The following AFF4 variants were observed in gnomAD, a reference collection of about 807,000 sequenced individuals.
AFF4 encodes the protein AF4/FMR2 family member 4.
In AFF4, 13 loss-of-function variants were observed where a neutral mutation model predicts 124.8. The ratio of observed to expected loss-of-function variants is 0.10; its 90% CI spans 0.07 to 0.17. The LOEUF (loss-of-function observed/expected upper bound fraction) is 0.17, where lower values mean the gene tolerates loss of function less well. AFF4 is among the 10% of genes least tolerant of loss of function. The pLI, the probability that AFF4 is intolerant of heterozygous loss-of-function variation, is 1.00. For missense variants in AFF4, 1,092 were observed against 1,403.8 expected (o/e 0.78, Z 3.55); for synonymous variants, 477 against 496.1 (o/e 0.96, Z 0.51).
chr5:132,919,835 G>A (rs1392405560), intron 5 of AFF4, among the ~76,000 whole-genome samples: 1 of 152,080 alleles, frequency 6.6e-6, no homozygotes, highest in Non-Finnish European at 1.5e-5. Context: ...GGGTGACAGA[G>A]TGAGACTCTT....
intron 1 of AFF4, among the ~76,000 whole-genome samples, chr5:132,960,438 G>A (rs1440317769): frequency 1.3e-5 from 2 of 152,118 alleles, no homozygotes; most frequent in East Asian, 3.9e-4. Context: ...ATACCACAAA[G>A]AAAAGTCCTC....
chr5:132,896,903 T>A lies in AFF4; in HGVS notation c.1727A>T (p.Glu576Val). The change falls in exon 11 of 21, where the codon GAA (glutamate) becomes GTA (valine). Residue 576 changes from glutamate to valine, a missense_variant. By Grantham distance (121) the Glu-to-Val change is moderately radical. Coordinates refer to ENST00000265343, the MANE Select transcript of AFF4 (RefSeq NM_014423.4). Reference sequence around the variant, plus strand: ...TATCTTCAGGCCTCCACGAGGCTCTTCAGCAGCTGCCTTCTCAGCCTTTTT... The same window carrying A: ...TATCTTCAGGCCTCCACGAGGCTCTACAGCAGCTGCCTTCTCAGCCTTTTT... Reference protein sequence around the residue: ...QPKKAEKAAAEEPRGGLKIES... With the variant: ...QPKKAEKAAAVEPRGGLKIES... The A allele has an allele frequency of 6.2e-7, 1 of 1,614,198 alleles. No individual in the cohort carries two copies.
Position 132,897,535 on chromosome 5 carries a change from T to C in AFF4, c.1390-295A>G, listed in dbSNP as rs529752133. ...GACCAGTCTGACCAACATGGTGAAA[T>C]CCTGTCTCTATTAAAAATACAAAAA... On this transcript the variant is annotated intron_variant, in intron 10 of 20. Coordinates refer to ENST00000265343, the MANE Select transcript of AFF4 (RefSeq NM_014423.4). Among the ~76,000 whole-genome samples the C allele has an allele frequency of 8.7e-4, 133 of 152,028 alleles. 1 individual carries two copies. Among genetic ancestry groups the C allele is most frequent in the African/African-American group, 2.9e-3 (122 of 41,480 alleles).
Position 132,879,239 on chromosome 5 carries a change from G to A in AFF4, c.*1820C>T, listed in dbSNP as rs803220. ...GGACAATGAAAGTTCACTAACTTCAGAAATAAGTGTAAAAAAGTCTCAAAC... is the reference window on the plus strand; with the variant it reads ...GGACAATGAAAGTTCACTAACTTCAAAAATAAGTGTAAAAAAGTCTCAAAC... On this transcript the variant is annotated 3_prime_UTR_variant, in exon 21 of 21. Transcript: ENST00000265343. 0.5 allele frequency: 109,616 copies of A among 219,156 alleles called. 27,795 individuals carry two copies. Among genetic ancestry groups the A allele is most frequent in the South Asian group, 0.59 (3,201 of 5,432 alleles). 13.6% of individuals were successfully genotyped at this position (219,156 alleles called of 1,614,324 possible). A position where few individuals can be genotyped will look rare whatever the true frequency, so the allele number is the denominator to read the frequency against.
In AFF4 at chr5:132,909,125, T is replaced by G. The variant is rs1484640835; in HGVS notation, c.1051-4721A>C. The stretch of plus-strand genomic sequence containing the variant: ...TTCATTCATTGTTAAAACATCATCT[T>G]TTTTTTTTTTTTTTTTTGAGATGGA... On this transcript the variant is annotated intron_variant, in intron 5 of 20. Coordinates refer to ENST00000265343, the MANE Select transcript of AFF4 (RefSeq NM_014423.4). 2.1e-4 allele frequency among the ~76,000 whole-genome samples: 8 copies of G among 38,550 alleles called. No homozygotes were observed. In the East Asian group the frequency reaches 0.019, roughly 90 times the overall value. The allele number at this position is 38,550 out of a possible 152,430, so 25.3% of individuals were successfully genotyped here.
At chr5:132,963,060 T>C (rs1358429731) in intron 1 of AFF4, among the ~76,000 whole-genome samples, 199 bp downstream of exon 1, 1 of 152,182 alleles carries the variant, frequency 6.6e-6, no homozygotes, top group Admixed American at 6.5e-5. Context: ...TTAGCTTTTT[T>C]TATTTTCTTA....
At position 132,898,407 on chromosome 5, in the gene AFF4, A is replaced by G. The variant is rs372748577; in HGVS notation, c.1227-15T>C. 1.1e-4 allele frequency: 183 copies of G among 1,609,294 alleles called. No individual in the cohort carries two copies. Among genetic ancestry groups the G allele is most frequent in the Non-Finnish European group, 1.5e-4 (174 of 1,178,266 alleles). On this transcript the variant is annotated splice_polypyrimidine_tract_variant and intron_variant, in intron 9 of 20. Coordinates refer to ENST00000265343, the MANE Select transcript of AFF4 (RefSeq NM_014423.4). ...GTTCAGAGTTACTAAAAGAGATGAA[A>G]TATACAAATGTCCAAAGTTTATTTT...
chr5:132,888,149 G>A lies in AFF4; in HGVS notation c.2744C>T (p.Ala915Val). 1.2e-6 allele frequency: 2 copies of A among 1,608,282 alleles called. No individual in the cohort carries two copies. The highest frequency in any genetic ancestry group is 1.7e-6 in the Non-Finnish European group (2 of 1,177,072). The change falls in exon 15 of 21, where the codon GCA (alanine) becomes GTA (valine). Residue 915 changes from alanine to valine, a missense_variant. Ala to Val is a moderately conservative substitution (Grantham distance 64, BLOSUM62 0). Coordinates refer to ENST00000265343, the MANE Select transcript of AFF4 (RefSeq NM_014423.4). The stretch of plus-strand genomic sequence containing the variant: ...TTTTGCTTCTTGTAAATAATGGTCT[G>A]CTGAATAATTTCTGCAAGACAAATT... Reference protein sequence around the residue: ...KLVFDDRNYSADHYLQEAKKL... With the variant: ...KLVFDDRNYSVDHYLQEAKKL...
intron 1 of AFF4, among the ~76,000 whole-genome samples, chr5:132,961,133 G>A (rs1762071893): frequency 6.6e-6 from 1 of 152,068 alleles, no homozygotes; most frequent in East Asian, 1.9e-4. Flanking sequence ...GCTGAGGCAG[G>A]AGAATCGCTT....
chr5:132,961,008 G>C (rs1335181953), intron 1 of AFF4, among the ~76,000 whole-genome samples: 4 of 151,806 alleles, frequency 2.6e-5, no homozygotes, highest in African/African-American at 9.7e-5. Context: ...TGGATCACGA[G>C]GTCAGGAGTT....
chr5:132,952,707 A>C (rs4705876), intron 1 of AFF4, among the ~76,000 whole-genome samples: 17,547 of 152,234 alleles, frequency 0.12, 1,281 homozygotes, highest in South Asian at 0.2. Flanking sequence ...CAGCCTAGCC[A>C]ACATGGCGAA....
At chr5:132,909,908 A>T (rs1760754843) in intron 5 of AFF4, among the ~76,000 whole-genome samples, 1 of 152,220 alleles carries the variant, frequency 6.6e-6, no homozygotes, top group South Asian at 2.1e-4. Flanking sequence ...GGGGAGGAGA[A>T]GATAAGATTT....
intron 20 of AFF4, among the ~76,000 whole-genome samples, chr5:132,881,910 C>A (rs1283756607): frequency 5.9e-5 from 9 of 151,366 alleles, no homozygotes; most frequent in Non-Finnish European, 1.2e-4. Flanking sequence ...GGGTGATCCA[C>A]TCGCCTTGGC....
At chr5:132,932,133 A>G in intron 4 of AFF4, 45 bp downstream of exon 4, 1 of 1,454,740 alleles carries the variant, frequency 6.9e-7, no homozygotes, top group Non-Finnish European at 9.4e-7. Flanking sequence ...GTGGCAGAGC[A>G]TAAAAAATTA....
intron 1 of AFF4, among the ~76,000 whole-genome samples, chr5:132,962,823 G>C (rs1306472256): frequency 1.4e-5 from 2 of 148,036 alleles, no homozygotes; most frequent in South Asian, 2.1e-4. Flanking sequence ...TTTTTTTTGC[G>C]GGGGTGGGGG....
At chr5:132,953,878 C>G (rs578200129) in intron 1 of AFF4, among the ~76,000 whole-genome samples, 1 of 152,160 alleles carries the variant, frequency 6.6e-6, no homozygotes, top group South Asian at 2.1e-4. Context: ...ATATGCCATA[C>G]GGCAGCCAAA....
At chr5:132,927,092 A>T (rs1471198179) in intron 5 of AFF4, 29 bp downstream of exon 5, 1 of 1,585,300 alleles carries the variant, frequency 6.3e-7, no homozygotes, top group African/African-American at 1.4e-5. Flanking sequence ...GTTTTCTTAC[A>T]TTATGAAAGA....
intron 1 of AFF4, among the ~76,000 whole-genome samples, chr5:132,942,325 TGAA>T (rs1761589646): frequency 6.6e-6 from 1 of 152,176 alleles, no homozygotes; most frequent in African/African-American, 2.4e-5. Flanking sequence ...AACCGTCAAA[TGAA>T]GAGTTACAGA....
chr5:132,942,792 G>T, intron 1 of AFF4: 1 of 152,960 alleles, frequency 6.5e-6, no homozygotes, highest in South Asian at 2.0e-4. Context: ...CCTGCCACTT[G>T]ACAAAATACC....
Sources: gnomAD v4.1 joint callset for allele counts (sites outside exome capture counted in the v4.1 genomes callset) on GRCh38, gnomAD v4.1.1 for gene constraint, MANE v1.5 for transcripts, NCBI Gene and HGNC (gene_info 2026-07-23, HGNC 2026-07-21) for gene names.